DMD: variants seen among roughly 807,000 people sequenced by gnomAD.
DMD encodes mutant dystrophin.
In DMD, 63 loss-of-function variants were observed where a neutral mutation model predicts 330.1. That is an observed-to-expected ratio of 0.19 (90% CI 0.16 to 0.24). The LOEUF (loss-of-function observed/expected upper bound fraction) is 0.24. DMD is among the 10% of genes least tolerant of loss of function. DMD has a pLI of 1.00. For synonymous variants in DMD, 1,223 were observed against 959.8 expected (o/e 1.27, Z -5.07); for missense variants, 3,344 against 2,684.1 (o/e 1.25, Z -5.43).
At chrX:31,436,906 C>T (rs2064569672) in intron 60 of DMD, among the ~76,000 whole-genome samples, 1 of 111,946 alleles carries the variant, frequency 8.9e-6, no homozygotes, top group African/African-American at 3.2e-5. Context: ...TTTTCAAAAA[C>T]AAACACATAC....
intron 77 of DMD, among the ~76,000 whole-genome samples, chrX:31,132,460 G>C (rs751188383): frequency 4.5e-5 from 5 of 111,572 alleles, no homozygotes; most frequent in African/African-American, 1.3e-4. Context: ...CATGAGCCTT[G>C]CTGTAGCTTC....
chrX:32,483,146 C>CATAT (rs201134649), intron 21 of DMD, among the ~76,000 whole-genome samples: 3,525 of 39,267 alleles, frequency 0.09, 513 homozygotes, highest in African/African-American at 0.2. Context: ...TTTTTCATTC[C>CATAT]ATATATATAT....
intron 2 of DMD, among the ~76,000 whole-genome samples, chrX:32,924,318 A>C (rs2088759157): frequency 9.0e-6 from 1 of 111,143 alleles, no homozygotes; most frequent in African/African-American, 3.3e-5. Flanking sequence ...GCTTGAGGCC[A>C]GGAGTTCTAG....
At chrX:31,123,613 C>A (rs2033156013) in intron 78 of DMD, among the ~76,000 whole-genome samples, 2 of 112,078 alleles carry the variant, frequency 1.8e-5, no homozygotes, top group Admixed American at 9.5e-5. Flanking sequence ...GGGAAATCTG[C>A]ATAATTATTC....
At chrX:31,836,918 T>C in intron 48 of DMD, 99 bp from the exon 49 acceptor site, 1 of 717,612 alleles carries the variant, frequency 1.4e-6, no homozygotes, top group Non-Finnish European at 2.2e-6. Context: ...GTATTGCAGA[T>C]CAATTTCTGC....
At chrX:32,493,091 C>T (rs2043159627) in intron 19 of DMD, among the ~76,000 whole-genome samples, 1 of 111,746 alleles carries the variant, frequency 8.9e-6, no homozygotes, top group Non-Finnish European at 1.9e-5. Context: ...TGTGGTTTTG[C>T]TAACTTGCAC....
chrX:32,818,461 G>C (rs763893096), intron 5 of DMD, among the ~76,000 whole-genome samples: 95 of 111,684 alleles, frequency 8.5e-4, no homozygotes, highest in African/African-American at 3.0e-3. Context: ...AAATCATTGA[G>C]CTGGTCCCCA....
At chrX:33,013,836 C>T (rs113546886) in intron 2 of DMD, among the ~76,000 whole-genome samples, 13 of 94,197 alleles carry the variant, frequency 1.4e-4, no homozygotes, top group East Asian at 3.5e-4. Flanking sequence ...TGTGTGTGTG[C>T]GCGCACGCGC....
chrX:32,698,495 G>T (rs2063825461), intron 8 of DMD, among the ~76,000 whole-genome samples: 1 of 111,635 alleles, frequency 9.0e-6, no homozygotes, highest in South Asian at 3.7e-4. Context: ...TGTTGTTTGT[G>T]CCTGAGAAAG....
At chrX:32,086,223 G>A (rs2096438105) in intron 44 of DMD, among the ~76,000 whole-genome samples, 1 of 112,096 alleles carries the variant, frequency 8.9e-6, no homozygotes, top group African/African-American at 3.2e-5. Flanking sequence ...CTTTCTTGAA[G>A]TGGATGCTGA....
chrX:32,485,637 A>G (rs2042357194), intron 20 of DMD, among the ~76,000 whole-genome samples: 1 of 107,373 alleles, frequency 9.3e-6, no homozygotes, highest in African/African-American at 3.3e-5. Flanking sequence ...TAATACTTAT[A>G]CATATGTATG....
chrX:31,453,470 C>A (rs779204513), intron 59 of DMD, among the ~76,000 whole-genome samples: 1 of 109,975 alleles, frequency 9.1e-6, no homozygotes, highest in East Asian at 2.9e-4. Flanking sequence ...TGGGGATTAT[C>A]GTTGAATAGA....
chrX:31,988,787 GTCTCTCTCTC>G lies in DMD; in HGVS notation c.6439-20283_6439-20274del, dbSNP rs754549321. Reference sequence around the variant, plus strand: ...TTCTTGTGCTCTCATTTCTCTCTCTGTCTCTCTCTCTCTCTCTCTCGAAACCAGAGAGGGA... The same window carrying G: ...TTCTTGTGCTCTCATTTCTCTCTCTGTCTCTCTCTCGAAACCAGAGAGGGA... On this transcript the variant is annotated intron_variant, in intron 44 of 78. Transcript: ENST00000357033. Among the ~76,000 whole-genome samples the G allele has an allele frequency of 4.7e-5, 5 of 106,752 alleles. No homozygotes were observed. In the East Asian group the frequency reaches 1.5e-3, roughly 32 times the overall value. The allele number at this position is 106,752 out of a possible 115,157, so 92.7% of individuals were successfully genotyped here.
intron 16 of DMD, among the ~76,000 whole-genome samples, chrX:32,553,897 AC>A (rs1179588066): frequency 2.7e-5 from 3 of 111,180 alleles, no homozygotes; most frequent in Admixed American, 9.5e-5. Flanking sequence ...GTGTGTGGCA[AC>A]CCTTGCCAGA....
At chrX:32,146,568 C>T (rs1603627096) in intron 44 of DMD, among the ~76,000 whole-genome samples, 1 of 112,014 alleles carries the variant, frequency 8.9e-6, no homozygotes, top group Middle Eastern at 4.6e-3. Flanking sequence ...TATAGGATTG[C>T]TATGAGCATT....
Position 32,573,111 on chromosome X carries a change from G to A in DMD, c.1812+419C>T, listed in dbSNP as rs376480395. ...CATAAGTTACCCAGTCCCAGTCTCAGGTACCCCTTTATAATAAACTAAGGT... is the reference window on the plus strand; with the variant it reads ...CATAAGTTACCCAGTCCCAGTCTCAAGTACCCCTTTATAATAAACTAAGGT... On this transcript the variant is annotated intron_variant, in intron 15 of 78. Coordinates refer to ENST00000357033, the MANE Select transcript of DMD (RefSeq NM_004006.3). Among the ~76,000 whole-genome samples, 38 of 111,186 alleles carry A rather than the reference G, an allele frequency of 3.4e-4. No individual in the cohort carries two copies. The South Asian group carries it at 5.0e-3, about 14-fold the overall frequency.
intron 44 of DMD, among the ~76,000 whole-genome samples, chrX:32,027,210 G>A (rs748784862): frequency 9.0e-5 from 9 of 100,158 alleles, no homozygotes; most frequent in African/African-American, 2.3e-4. Context: ...AGAGAGAAGC[G>A]GGGGAAGGCT....
chrX:31,993,657 G>A (rs1263472184), intron 44 of DMD, among the ~76,000 whole-genome samples: 1 of 111,717 alleles, frequency 9.0e-6, no homozygotes, highest in Non-Finnish European at 1.9e-5. Flanking sequence ...TGACTTTTGA[G>A]CAGCCACGGT....
At chrX:32,640,877 C>G (rs1205241532) in intron 11 of DMD, among the ~76,000 whole-genome samples, 1 of 111,032 alleles carries the variant, frequency 9.0e-6, no homozygotes, top group Non-Finnish European at 1.9e-5. Flanking sequence ...AGCCCTTATT[C>G]AAAGCCCTGA....
Sources: gnomAD v4.1 joint callset for allele counts (sites outside exome capture counted in the v4.1 genomes callset) on GRCh38, gnomAD v4.1.1 for gene constraint, MANE v1.5 for transcripts, NCBI Gene and HGNC (gene_info 2026-07-23, HGNC 2026-07-21) for gene names.